The following TENM2 variants were observed in gnomAD, a reference collection of about 807,000 sequenced individuals.
TENM2 encodes teneurin transmembrane protein 2.
In TENM2, 52 loss-of-function variants were observed where a neutral mutation model predicts 245.2. The observed-to-expected ratio is 0.21, with a 90% CI of 0.17 to 0.27. TENM2 has a LOEUF of 0.27. TENM2 is among the 10% of genes least tolerant of loss of function. The probability of loss-of-function intolerance (pLI) is 1.00; values close to 1 mark genes in which losing one functional copy is unlikely to be tolerated. For synonymous variants in TENM2, 1,363 were observed against 1,438.9 expected, an observed-to-expected ratio of 0.95 and a Z score of 1.19; for missense variants, 3,046 against 3,666.8, an observed-to-expected ratio of 0.83 and a Z score of 4.37.
chr5:167,652,043 C>G (rs200419130), intron 2 of TENM2, among the ~76,000 whole-genome samples: 4 of 142,410 alleles, frequency 2.8e-5, no homozygotes, highest in African/African-American at 1.1e-4. Flanking sequence ...ATTTCACTAA[C>G]CTTTTTCTCT....
At chr5:167,374,731 G>T (rs1760641575) in intron 1 of TENM2, among the ~76,000 whole-genome samples, 1 of 151,976 alleles carries the variant, frequency 6.6e-6, no homozygotes, top group Non-Finnish European at 1.5e-5. Context: ...AAGATGCATG[G>T]CCTTGGATAA....
chr5:167,207,085 T>C, the TENM2 span, among the ~76,000 whole-genome samples: 1 of 152,196 alleles, frequency 6.6e-6, no homozygotes, highest in Non-Finnish European at 1.5e-5. Flanking sequence ...CCTGGAGCCC[T>C]GCAGTAGCTG....
chr5:167,698,540 A>T (rs557475770), intron 2 of TENM2, among the ~76,000 whole-genome samples: 1 of 152,124 alleles, frequency 6.6e-6, no homozygotes, highest in Non-Finnish European at 1.5e-5. Context: ...CTGGGTGGCC[A>T]CTGCACAGAT....
intron 2 of TENM2, among the ~76,000 whole-genome samples, chr5:167,435,702 T>A (rs186329139): frequency 6.6e-6 from 1 of 152,090 alleles, no homozygotes; most frequent in Non-Finnish European, 1.5e-5. Context: ...CAGAAGAAGA[T>A]AAAAAAATGT....
At chr5:167,541,181 C>T (rs190433998) in intron 2 of TENM2, among the ~76,000 whole-genome samples, 24 of 152,258 alleles carry the variant, frequency 1.6e-4, no homozygotes, top group African/African-American at 4.8e-4. Flanking sequence ...CTAATAAAAC[C>T]TGAAGAAAGT....
At chr5:168,224,034 C>T (rs1246589843) in intron 23 of TENM2, among the ~76,000 whole-genome samples, 1 of 152,104 alleles carries the variant, frequency 6.6e-6, no homozygotes, top group Non-Finnish European at 1.5e-5. Context: ...ATCCTGATGG[C>T]TTCATAGGTT....
At chr5:167,516,383 T>C (rs1770380176) in intron 2 of TENM2, among the ~76,000 whole-genome samples, 1 of 152,152 alleles carries the variant, frequency 6.6e-6, no homozygotes, top group Non-Finnish European at 1.5e-5. Flanking sequence ...GGTTTCTAAA[T>C]AGAAACCTAA....
chr5:167,047,622 G>C, the TENM2 span, among the ~76,000 whole-genome samples: 7 of 152,146 alleles, frequency 4.6e-5, no homozygotes, highest in African/African-American at 1.7e-4. Flanking sequence ...GGTTTTATTA[G>C]GTGTCAAGAG....
At chr5:168,098,071 G>T (rs1021880211) in exon 9 of TENM2, 1 of 1,613,834 alleles carries the variant, frequency 6.2e-7, no homozygotes, top group Non-Finnish European at 8.5e-7. Flanking sequence ...AATGGTGAAT[G>T]TGTGTCCGGG....
chr5:167,442,400 A>C (rs542088600), intron 2 of TENM2, among the ~76,000 whole-genome samples: 1 of 152,302 alleles, frequency 6.6e-6, no homozygotes, highest in South Asian at 2.1e-4. Context: ...TAAACCCATA[A>C]CTAGAAATGG....
intron 2 of TENM2, among the ~76,000 whole-genome samples, chr5:167,708,640 C>G (rs987703749): frequency 6.6e-5 from 10 of 152,086 alleles, no homozygotes; most frequent in African/African-American, 2.4e-4. Flanking sequence ...GAGAGGGCAG[C>G]CACAAGGAGG....
chr5:168,225,779 A>G lies in TENM2; in HGVS notation c.5109-309A>G, dbSNP rs553407171. Among the ~76,000 whole-genome samples the G allele has an allele frequency of 2.9e-4, 44 of 151,360 alleles. No individual in the cohort carries two copies. The South Asian group carries it at 6.7e-3, about 23-fold the overall frequency. ...ATCATCTCAAAAAAAAAAAAAAAAA[A>G]GAAAAGAAACAGAAAAGTAAGAGAA... On this transcript the variant is annotated intron_variant, in intron 23 of 28. Transcript: ENST00000518659.
At chr5:167,954,712 T>G (rs1488013183) in intron 4 of TENM2, among the ~76,000 whole-genome samples, 2 of 152,094 alleles carry the variant, frequency 1.3e-5, no homozygotes, top group Non-Finnish European at 2.9e-5. Flanking sequence ...TGAGAACATG[T>G]GGTGTTTGGT....
At chr5:167,446,788 A>AACGCGCACAC (rs1374181730) in intron 2 of TENM2, among the ~76,000 whole-genome samples, 18 of 92,250 alleles carry the variant, frequency 2.0e-4, no homozygotes, top group Admixed American at 1.6e-3. Context: ...CAGTTTTTGA[A>AACGCGCACAC]ACACGCACAC....
intron 2 of TENM2, among the ~76,000 whole-genome samples, chr5:167,670,820 C>G (rs2150349929): frequency 6.6e-6 from 1 of 152,258 alleles, no homozygotes; most frequent in Middle Eastern, 3.4e-3. Flanking sequence ...AAGAAGTAGT[C>G]TGTTTTGCAT....
At chr5:167,043,827 T>A in the TENM2 span, among the ~76,000 whole-genome samples, 1 of 152,164 alleles carries the variant, frequency 6.6e-6, no homozygotes, top group Non-Finnish European at 1.5e-5. Flanking sequence ...ATCGAGACCA[T>A]CCTGGCCAAC....
At chr5:168,230,956 A>G (rs1764832375) in intron 25 of TENM2, 1 of 152,254 alleles carries the variant, frequency 6.6e-6, no homozygotes, top group Non-Finnish European at 1.5e-5. Flanking sequence ...GGCGTAACAC[A>G]TCGCAGTCCA....
chr5:168,192,138 A>T (rs1761016097), intron 14 of TENM2, among the ~76,000 whole-genome samples: 1 of 152,196 alleles, frequency 6.6e-6, no homozygotes, highest in Non-Finnish European at 1.5e-5. Flanking sequence ...CACTATTTAA[A>T]TACGTAAAAG....
At chr5:168,223,723 C>A (rs1763884358) in intron 23 of TENM2, among the ~76,000 whole-genome samples, 4 of 152,172 alleles carry the variant, frequency 2.6e-5, no homozygotes, top group Admixed American at 2.6e-4. Flanking sequence ...CCTCAGCCTC[C>A]CAAAGTGCTG....
Sources: gnomAD v4.1 joint callset for allele counts (sites outside exome capture counted in the v4.1 genomes callset) on GRCh38, gnomAD v4.1.1 for gene constraint, MANE v1.5 for transcripts, NCBI Gene and HGNC (gene_info 2026-07-23, HGNC 2026-07-21) for gene names.